The following RBMS3 variants were observed in gnomAD, a reference collection of about 807,000 sequenced individuals.
The protein encoded by RBMS3 is RNA-binding motif, single-stranded-interacting protein 3.
In RBMS3, 27 loss-of-function variants were observed where a neutral mutation model predicts 66.8. That is an observed-to-expected ratio of 0.40 (90% CI 0.30 to 0.56). The LOEUF is 0.56. Among genes scored for constraint, RBMS3 ranks in the 20% least tolerant of loss-of-function variants. RBMS3 has a pLI of 0.40. For missense variants in RBMS3, 513 were observed against 549.5 expected (o/e 0.93, Z 0.66); for synonymous variants, 188 against 183.0 (o/e 1.03, Z -0.22).
intron 6 of RBMS3, among the ~76,000 whole-genome samples, chr3:29,844,962 G>A (rs1456151202): frequency 1.3e-5 from 2 of 152,136 alleles, no homozygotes; most frequent in East Asian, 3.9e-4. Context: ...CTTGTGAAAA[G>A]GAGACCACAC....
intron 6 of RBMS3, among the ~76,000 whole-genome samples, chr3:29,808,553 T>A (rs2057628666): frequency 6.6e-6 from 1 of 151,976 alleles, no homozygotes; most frequent in South Asian, 2.1e-4. Context: ...GGGAAGAATT[T>A]TACACAATAC....
rs139574347 is a variant in RBMS3, at chr3:29,738,239, C to G, written c.400-1481C>G. On this transcript the variant is annotated intron_variant, in intron 4 of 14. Transcript: ENST00000383767. ...CCGTAAATATCTAATAATATGATAT[C>G]TTTTCACAAAAGATATTTTACTGTT... 2.9e-3 allele frequency among the ~76,000 whole-genome samples: 444 copies of G among 152,164 alleles called. 4 individuals carry two copies. The highest frequency in any genetic ancestry group is 0.01 in the African/African-American group (426 of 41,534).
At chr3:29,557,258 A>C (rs1039753869) in intron 3 of RBMS3, among the ~76,000 whole-genome samples, 1 of 152,214 alleles carries the variant, frequency 6.6e-6, no homozygotes, top group Non-Finnish European at 1.5e-5. Context: ...GAATAACAAA[A>C]CAGAACATTC....
chr3:29,891,933 C>G (rs1577080209), intron 8 of RBMS3, among the ~76,000 whole-genome samples: 1 of 151,444 alleles, frequency 6.6e-6, no homozygotes, highest in African/African-American at 2.4e-5. Context: ...ACATGAAACA[C>G]AAGCCAGTGC....
At chr3:29,834,541 G>A (rs1049079634) in intron 6 of RBMS3, among the ~76,000 whole-genome samples, 7 of 151,852 alleles carry the variant, frequency 4.6e-5, no homozygotes, top group African/African-American at 1.2e-4. Flanking sequence ...TTGTGTGTGC[G>A]ATTAAAGTAA....
intron 4 of RBMS3, among the ~76,000 whole-genome samples, chr3:29,674,849 A>G (rs2051171090): frequency 6.6e-6 from 1 of 152,114 alleles, no homozygotes; most frequent in African/African-American, 2.4e-5. Context: ...TATAGATTAA[A>G]TGCCATCCCC....
chr3:29,304,588 A>T (rs1163653203), intron 1 of RBMS3, among the ~76,000 whole-genome samples: 1 of 151,964 alleles, frequency 6.6e-6, no homozygotes, highest in Non-Finnish European at 1.5e-5. Context: ...TTACTCGTCC[A>T]TGTATGGGAA....
rs74816480 is a variant in RBMS3 at position 29,584,040 on chromosome 3, T to C, written c.308-3074T>C. 7.1e-3 allele frequency among the ~76,000 whole-genome samples: 1,085 copies of C among 152,234 alleles called. 16 individuals carry two copies. The highest frequency in any genetic ancestry group is 0.025 in the African/African-American group (1,047 of 41,546). On this transcript the variant is annotated intron_variant, in intron 3 of 14. Transcript: ENST00000383767. ...CAGCCAAGATAACTGCAAAGAGGCC[T>C]GTAAATCCTCCTCCTCATCTTGCTC...
At chr3:29,335,860 C>T (rs1353928900) in intron 1 of RBMS3, among the ~76,000 whole-genome samples, 1 of 152,100 alleles carries the variant, frequency 6.6e-6, no homozygotes, top group Non-Finnish European at 1.5e-5. Flanking sequence ...TAATTCCTCA[C>T]TTCCTGCCTC....
At chr3:29,852,211 C>T (rs537418474) in intron 6 of RBMS3, among the ~76,000 whole-genome samples, 3 of 151,672 alleles carry the variant, frequency 2.0e-5, no homozygotes, top group Admixed American at 6.6e-5. Flanking sequence ...GGTACAACCT[C>T]GAAGACAACC....
chr3:29,971,641 CTCATTCATTCATTCACTCAA>C (rs1697233484), intron 12 of RBMS3, among the ~76,000 whole-genome samples: 2 of 152,070 alleles, frequency 1.3e-5, no homozygotes, highest in Non-Finnish European at 2.9e-5. Flanking sequence ...CATTCACTCA[CTCATTCATTCATTCACTCAA>C]CAAATATATA....
intron 4 of RBMS3, among the ~76,000 whole-genome samples, chr3:29,607,008 T>G (rs529694436): frequency 6.6e-6 from 1 of 151,996 alleles, no homozygotes; most frequent in Non-Finnish European, 1.5e-5. Flanking sequence ...GAGAAAAAAG[T>G]ACTGTTTGCT....
intron 4 of RBMS3, among the ~76,000 whole-genome samples, chr3:29,686,032 A>C (rs1429516033): frequency 1.3e-5 from 2 of 152,214 alleles, no homozygotes; most frequent in Non-Finnish European, 2.9e-5. Flanking sequence ...CTGGAGATGG[A>C]GGCAAGCACT....
chr3:29,508,260 G>A (rs2044262510), intron 3 of RBMS3, among the ~76,000 whole-genome samples: 1 of 152,150 alleles, frequency 6.6e-6, no homozygotes, highest in South Asian at 2.1e-4. Context: ...GCACAGGTTT[G>A]TTACATAGGT....
At chr3:29,530,607 A>G (rs2148992250) in intron 3 of RBMS3, among the ~76,000 whole-genome samples, 1 of 151,976 alleles carries the variant, frequency 6.6e-6, no homozygotes, top group African/African-American at 2.4e-5. Context: ...CACTCCTGTA[A>G]TCCCAGCACT....
Position 29,960,664 on chromosome 3 carries a change from T to A in RBMS3, c.1098+16410T>A, listed in dbSNP as rs536031601. Among the ~76,000 whole-genome samples the A allele has an allele frequency of 2.6e-5, 4 of 152,270 alleles. No individual in the cohort carries two copies. The East Asian group carries it at 5.8e-4, about 22-fold the overall frequency. On this transcript the variant is annotated intron_variant, in intron 12 of 14. Transcript: ENST00000383767. ...AGATTTTTCCATACATCCTCTGAAA[T>A]CTAGGCAGAGATTCTCAAACCTCAA... is the stretch of plus-strand genomic sequence containing the variant.
intron 4 of RBMS3, among the ~76,000 whole-genome samples, chr3:29,603,556 G>T (rs1038787745): frequency 6.6e-6 from 1 of 151,944 alleles, no homozygotes; most frequent in African/African-American, 2.4e-5. Flanking sequence ...GACACTATAT[G>T]ATGCATGCCA....
At chr3:29,697,203 T>C (rs2149281902) in intron 4 of RBMS3, 1 of 720,156 alleles carries the variant, frequency 1.4e-6, no homozygotes, top group Non-Finnish European at 1.7e-6. Flanking sequence ...ATATTCTTAA[T>C]GATACAATTG....
chr3:29,998,680 G>T (rs1041040994), intron 14 of RBMS3, among the ~76,000 whole-genome samples: 13 of 152,014 alleles, frequency 8.6e-5, no homozygotes, highest in East Asian at 5.8e-4. Context: ...ATTCCCTATT[G>T]AATAAATGGT....
Sources: gnomAD v4.1 joint callset for allele counts (sites outside exome capture counted in the v4.1 genomes callset) on GRCh38, gnomAD v4.1.1 for gene constraint, MANE v1.5 for transcripts, NCBI Gene and HGNC (gene_info 2026-07-23, HGNC 2026-07-21) for gene names.